MYO1E: variants seen among roughly 807,000 people sequenced by gnomAD.
The protein encoded by MYO1E is unconventional myosin-Ie.
Under a neutral mutation model 151.1 loss-of-function variants are expected in MYO1E, and 68 were observed. That is an observed-to-expected ratio of 0.45 (90% confidence interval 0.37 to 0.55). The LOEUF is 0.55. MYO1E is among the 20% of genes least tolerant of loss of function. The probability of loss-of-function intolerance (pLI) is 0.00; values close to 1 mark genes in which losing one functional copy is unlikely to be tolerated. For synonymous variants in MYO1E, 601 were observed against 501.7 expected (o/e 1.20, Z -2.64); for missense variants, 1,363 against 1,389.3 (o/e 0.98, Z 0.30).
rs182857688 is a variant in MYO1E at position 59,253,198 on chromosome 15, T to C, written c.332+3086A>G. On this transcript the variant is annotated intron_variant, in intron 4 of 27. Coordinates refer to ENST00000288235, the MANE Select transcript of MYO1E (RefSeq NM_004998.4). ...ACTGCTAGGGCAACAATTAATTGTT[T>C]TGAAAATAGGTGAGTAATGGCAGTG... Among the ~76,000 whole-genome samples the C allele has an allele frequency of 3.2e-3, 490 of 152,322 alleles. 1 individual carries two copies. Among genetic ancestry groups the C allele is most frequent in the African/African-American group, 0.011 (469 of 41,566 alleles).
At chr15:59,316,030 C>T (rs1405191100) in intron 1 of MYO1E, among the ~76,000 whole-genome samples, 1 of 152,148 alleles carries the variant, frequency 6.6e-6, no homozygotes, top group African/African-American at 2.4e-5. Context: ...AGTGGTTTGG[C>T]TCGTGGTGAT....
At chr15:59,161,407 C>A (rs1201660415) in intron 23 of MYO1E, among the ~76,000 whole-genome samples, 177 bp from the exon 24 acceptor site, 3 of 152,210 alleles carry the variant, frequency 2.0e-5, no homozygotes, top group Non-Finnish European at 4.4e-5. Flanking sequence ...GGCACTGTCG[C>A]TGCATGACAA....
intron 9 of MYO1E, among the ~76,000 whole-genome samples, chr15:59,222,089 T>G (rs1475049151): frequency 6.6e-6 from 1 of 152,224 alleles, no homozygotes; most frequent in Non-Finnish European, 1.5e-5. Flanking sequence ...CTGGTAAACA[T>G]AATTCATCTT....
chr15:59,185,300 C>T (rs1234005747), intron 18 of MYO1E, among the ~76,000 whole-genome samples: 1 of 152,080 alleles, frequency 6.6e-6, no homozygotes, highest in East Asian at 1.9e-4. Flanking sequence ...TGGAGTCTCA[C>T]TCTGTCGCCC....
At chr15:59,160,608 A>C (rs569832004) in intron 24 of MYO1E, among the ~76,000 whole-genome samples, 2 of 151,856 alleles carry the variant, frequency 1.3e-5, no homozygotes. Context: ...GTGTGGAGAC[A>C]GGGTTTTGCC....
intron 1 of MYO1E, among the ~76,000 whole-genome samples, chr15:59,310,409 G>T (rs1347674505): frequency 6.6e-6 from 1 of 152,162 alleles, no homozygotes; most frequent in South Asian, 2.1e-4. Flanking sequence ...AGCAAAGCGG[G>T]CCTTAATCCA....
At chr15:59,191,332 CAG>C (rs34694267) in intron 17 of MYO1E, among the ~76,000 whole-genome samples, 2,862 of 105,638 alleles carry the variant, frequency 0.027, 44 homozygotes, top group Admixed American at 0.036. Context: ...CAGACAGAGA[CAG>C]AGAGAGAGAG....
chr15:59,179,611 CAG>C (rs796270272), intron 18 of MYO1E, among the ~76,000 whole-genome samples: 2 of 152,308 alleles, frequency 1.3e-5, no homozygotes, highest in South Asian at 4.1e-4. Context: ...GAGTAGGAGA[CAG>C]AGGCAAATTA....
chr15:59,185,504 T>G (rs1247303604), intron 18 of MYO1E, among the ~76,000 whole-genome samples: 1 of 152,156 alleles, frequency 6.6e-6, no homozygotes, highest in Non-Finnish European at 1.5e-5. Flanking sequence ...TGACCTCAGG[T>G]GATATGCCCA....
chr15:59,254,736 TATG>T (rs1157078034), intron 4 of MYO1E, among the ~76,000 whole-genome samples: 1 of 151,996 alleles, frequency 6.6e-6, no homozygotes, highest in African/African-American at 2.4e-5. Flanking sequence ...CACAAATACG[TATG>T]ATAAGATTGT....
chr15:59,301,501 C>T (rs2080482390), intron 1 of MYO1E, among the ~76,000 whole-genome samples: 2 of 152,184 alleles, frequency 1.3e-5, no homozygotes, highest in South Asian at 4.1e-4. Context: ...AACAGCCCTG[C>T]CTTAAGTGAA....
chr15:59,170,614 C>T (rs1259332132), intron 22 of MYO1E, among the ~76,000 whole-genome samples: 1 of 152,196 alleles, frequency 6.6e-6, no homozygotes, highest in Non-Finnish European at 1.5e-5. Context: ...AAACAATAGC[C>T]TTGAAACCTA....
At chr15:59,154,876 C>T (rs1158025917) in intron 25 of MYO1E, among the ~76,000 whole-genome samples, 6 of 152,154 alleles carry the variant, frequency 3.9e-5, no homozygotes, top group Middle Eastern at 3.2e-3. Flanking sequence ...CTTTGAACCA[C>T]GGTTTTATCA....
intron 9 of MYO1E, among the ~76,000 whole-genome samples, chr15:59,219,858 G>C (rs1206461217): frequency 6.6e-6 from 1 of 152,304 alleles, no homozygotes; most frequent in East Asian, 1.9e-4. Context: ...GGAGCACTTT[G>C]AGGCCTGTTG....
intron 14 of MYO1E, among the ~76,000 whole-genome samples, chr15:59,206,544 G>C (rs1310995409): frequency 6.6e-6 from 1 of 152,218 alleles, no homozygotes. Context: ...TATCCTTCCT[G>C]GCAGGGTCAC....
chr15:59,304,116 G>C (rs1280289966), intron 1 of MYO1E, among the ~76,000 whole-genome samples: 1 of 151,590 alleles, frequency 6.6e-6, no homozygotes, highest in Non-Finnish European at 1.5e-5. Flanking sequence ...TCTAGTAGCT[G>C]GGATTACAGG....
intron 2 of MYO1E, among the ~76,000 whole-genome samples, chr15:59,271,674 C>T (rs1176375229): frequency 6.6e-6 from 1 of 152,228 alleles, no homozygotes; most frequent in Non-Finnish European, 1.5e-5. Flanking sequence ...TGAAGAACGT[C>T]AAGCATTTTC....
At chr15:59,176,262 G>A (rs1324402258) in intron 19 of MYO1E, among the ~76,000 whole-genome samples, 2 of 151,998 alleles carry the variant, frequency 1.3e-5, no homozygotes, top group South Asian at 2.1e-4. Flanking sequence ...GGGTTTCGCC[G>A]TGTTAGCCAG....
intron 22 of MYO1E, among the ~76,000 whole-genome samples, chr15:59,164,711 G>A (rs1391476231): frequency 6.6e-6 from 1 of 152,194 alleles, no homozygotes; most frequent in East Asian, 1.9e-4. Flanking sequence ...TTCTTGGAAT[G>A]ACAGGGCTCC....
Sources: gnomAD v4.1 joint callset for allele counts (sites outside exome capture counted in the v4.1 genomes callset) on GRCh38, gnomAD v4.1.1 for gene constraint, MANE v1.5 for transcripts, NCBI Gene and HGNC (gene_info 2026-07-23, HGNC 2026-07-21) for gene names.